Variants in DIP2B observed in about 807,000 individuals in gnomAD.
DIP2B encodes disco-interacting protein 2 homolog B.
In DIP2B, 76 loss-of-function variants were observed where a neutral mutation model predicts 198.0. The observed-to-expected ratio is 0.38, with a 90% CI of 0.32 to 0.46. The LOEUF (loss-of-function observed/expected upper bound fraction) is 0.46, where lower values mean the gene tolerates loss of function less well. Ranked by LOEUF, DIP2B falls within the 20% of genes least tolerant of loss-of-function variation. The pLI is 0.99. For synonymous variants in DIP2B, 701 were observed against 739.1 expected (o/e 0.95, Z 0.84); for missense variants, 1,559 against 1,978.4 (o/e 0.79, Z 4.02).
chr12:50,675,490 T>C (rs1938930955), intron 7 of DIP2B, 42 bp downstream of exon 7: 1 of 1,579,494 alleles, frequency 6.3e-7, no homozygotes, highest in Non-Finnish European at 8.6e-7. Context: ...ATTAAATAAA[T>C]ATATCTTAAG....
intron 23 of DIP2B, 24 bp from the exon 24 acceptor site, chr12:50,718,685 G>A: frequency 1.2e-6 from 2 of 1,605,630 alleles, no homozygotes; most frequent in African/African-American, 1.3e-5. Context: ...TCTCCAGTGA[G>A]TTGGGTTTTG....
In DIP2B at chr12:50,585,802, G is replaced by C. The variant is rs73119132; in HGVS notation, c.101-40174G>C. Reference sequence around the variant, plus strand: ...AATGCAGAGGTCAAGAGAAGACACAGAGAGACTCCCCAGAAGGTGACTTGC... The same window carrying C: ...AATGCAGAGGTCAAGAGAAGACACACAGAGACTCCCCAGAAGGTGACTTGC... On this transcript the variant is annotated intron_variant, in intron 1 of 37. Transcript: ENST00000301180. Among the ~76,000 whole-genome samples the C allele has an allele frequency of 7.1e-3, 1,084 of 152,348 alleles. 6 individuals are homozygous for C. The highest frequency in any genetic ancestry group is 0.012 in the Non-Finnish European group (788 of 68,030).
intron 1 of DIP2B, among the ~76,000 whole-genome samples, chr12:50,582,159 T>G (rs202153301): frequency 0.01 from 1,524 of 147,412 alleles, 26 homozygotes; most frequent in South Asian, 0.052. Flanking sequence ...TTTTTTTTTT[T>G]TTTTTTTTTT....
intron 1 of DIP2B, among the ~76,000 whole-genome samples, chr12:50,593,936 T>C (rs1958857004): frequency 9.3e-6 from 1 of 107,658 alleles, no homozygotes; most frequent in African/African-American, 3.7e-5. Flanking sequence ...TCTTCTCTTT[T>C]CTTATCTTTT....
At chr12:50,604,334 G>A (rs1022816313) in intron 1 of DIP2B, among the ~76,000 whole-genome samples, 7 of 151,716 alleles carry the variant, frequency 4.6e-5, no homozygotes, top group African/African-American at 1.4e-4. Context: ...GTGAGCTAAC[G>A]TTGTCAAGTG....
chr12:50,671,496 G>A lies in DIP2B; in HGVS notation c.640+98G>A, dbSNP rs975346158. ...GGTTTGTGTTAGGTTTTTCAGTATGGCCTAAAAAAAAGAATTAGAGAAAAC... is the reference window on the plus strand; with the variant it reads ...GGTTTGTGTTAGGTTTTTCAGTATGACCTAAAAAAAAGAATTAGAGAAAAC... On this transcript the variant is annotated intron_variant, in intron 5 of 37. Coordinates refer to ENST00000301180, the MANE Select transcript of DIP2B (RefSeq NM_173602.3). 1.6e-5 allele frequency: 19 copies of A among 1,200,800 alleles called. No homozygotes were observed. The African/African-American group carries it at 2.3e-4, about 14-fold the overall frequency. The allele number at this position is 1,200,800 out of a possible 1,614,324, so 74.4% of individuals were successfully genotyped here.
intron 37 of DIP2B, among the ~76,000 whole-genome samples, chr12:50,742,394 C>CAAAAAAAAAAAAAAAAAAAAAAAAAA (rs59566626): frequency 4.2e-5 from 2 of 47,494 alleles, no homozygotes; most frequent in Non-Finnish European, 6.8e-5. Flanking sequence ...GAGACTGTCT[C>CAAAAAAAAAAAAAAAAAAAAAAAAAA]AAAAAAAAAA....
intron 1 of DIP2B, among the ~76,000 whole-genome samples, chr12:50,510,368 T>C (rs184327879): frequency 2.5e-4 from 38 of 152,352 alleles, no homozygotes; most frequent in African/African-American, 8.9e-4. Flanking sequence ...CCCATGGCAT[T>C]GAGCTGGATT....
intron 37 of DIP2B, chr12:50,743,451 C>T (rs1940291734): frequency 6.6e-6 from 1 of 152,184 alleles, no homozygotes; most frequent in East Asian, 1.9e-4. Context: ...AGTAACACCA[C>T]TCGGTGGAAA....
At position 50,603,360 on chromosome 12, in the gene DIP2B, T is replaced by C. The variant is rs185900626; in HGVS notation, c.101-22616T>C. Among the ~76,000 whole-genome samples, 188 of 152,174 alleles carry C rather than the reference T, an allele frequency of 1.2e-3. 1 individual carries two copies. Among genetic ancestry groups the C allele is most frequent in the African/African-American group, 4.3e-3 (178 of 41,534 alleles). On this transcript the variant is annotated intron_variant, in intron 1 of 37. Transcript: ENST00000301180. ...TGGGAGGAACTGGGAAGAAAAAATA[T>C]CACAGTGTAAGAAATGGACGCTTGG...
intron 19 of DIP2B, among the ~76,000 whole-genome samples, chr12:50,703,378 A>C (rs1035253502): frequency 9.8e-5 from 15 of 152,334 alleles, no homozygotes; most frequent in African/African-American, 3.6e-4. Context: ...AATGAGTGTA[A>C]ATGGATACGA....
At chr12:50,612,825 A>T (rs1959043125) in intron 1 of DIP2B, among the ~76,000 whole-genome samples, 1 of 152,162 alleles carries the variant, frequency 6.6e-6, no homozygotes, top group Admixed American at 6.5e-5. Flanking sequence ...TTGATTACTG[A>T]TTAATAAATA....
intron 1 of DIP2B, among the ~76,000 whole-genome samples, chr12:50,545,829 G>T (rs1470042207): frequency 6.6e-6 from 1 of 151,816 alleles, no homozygotes; most frequent in East Asian, 1.9e-4. Flanking sequence ...TAGAGGCGGG[G>T]TTTCACCATG....
At chr12:50,722,643 GC>G (rs1423643129) in intron 26 of DIP2B, among the ~76,000 whole-genome samples, 1 of 152,146 alleles carries the variant, frequency 6.6e-6, no homozygotes, top group African/African-American at 2.4e-5. Context: ...ACCATTACAT[GC>G]CCAGGAGATG....
intron 6 of DIP2B, among the ~76,000 whole-genome samples, chr12:50,675,028 G>A (rs1279746457): frequency 6.6e-6 from 1 of 152,170 alleles, no homozygotes. Flanking sequence ...GGCGGAGCTT[G>A]CAGTGAGCCA....
In DIP2B at chr12:50,718,834, G is replaced by C; in HGVS notation, c.2961+16G>C. Reference sequence around the variant, plus strand: ...GGTGAGGAAGGTAAGTGTTCCTGAAGTGTTACCTTCTTACAGTCAAGTCAA... The same window carrying C: ...GGTGAGGAAGGTAAGTGTTCCTGAACTGTTACCTTCTTACAGTCAAGTCAA... On this transcript the variant is annotated intron_variant, in intron 24 of 37. Coordinates refer to ENST00000301180, the MANE Select transcript of DIP2B (RefSeq NM_173602.3). 6.2e-7 allele frequency: 1 copy of C among 1,612,586 alleles called. No homozygotes were observed. The highest frequency in any genetic ancestry group is 8.5e-7 in the Non-Finnish European group (1 of 1,178,698).
At chr12:50,610,781 C>T (rs1959024860) in intron 1 of DIP2B, among the ~76,000 whole-genome samples, 1 of 151,042 alleles carries the variant, frequency 6.6e-6, no homozygotes, top group Admixed American at 6.6e-5. Context: ...GCTGGGATTA[C>T]AGGCATGAGC....
At position 50,607,286 on chromosome 12, in the gene DIP2B, GATAGAAAA is replaced by G. The variant is rs564400265; in HGVS notation, c.101-18688_101-18681del. 5.3e-5 allele frequency among the ~76,000 whole-genome samples: 8 copies of G among 152,034 alleles called. No homozygotes were observed. In the South Asian group the frequency reaches 1.5e-3, roughly 28 times the overall value. On this transcript the variant is annotated intron_variant, in intron 1 of 37. Coordinates refer to ENST00000301180, the MANE Select transcript of DIP2B (RefSeq NM_173602.3). Reference sequence around the variant, plus strand: ...AAAGTGCAGATTTCCCCATTTTACAGATAGAAAAAAACAAGGACCCAGGAAACTTAACT... The same window carrying G: ...AAAGTGCAGATTTCCCCATTTTACAGAAACAAGGACCCAGGAAACTTAACT...
intron 1 of DIP2B, among the ~76,000 whole-genome samples, chr12:50,515,351 C>T (rs1462940837): frequency 4.6e-5 from 7 of 152,054 alleles, no homozygotes; most frequent in Admixed American, 2.6e-4. Context: ...CTGCCTCAGC[C>T]TCCCAAGTAG....
Sources: gnomAD v4.1 joint callset for allele counts (sites outside exome capture counted in the v4.1 genomes callset) on GRCh38, gnomAD v4.1.1 for gene constraint, MANE v1.5 for transcripts, NCBI Gene and HGNC (gene_info 2026-07-23, HGNC 2026-07-21) for gene names.